SPPL3: variants seen among roughly 807,000 people sequenced by gnomAD.
The protein encoded by SPPL3 is signal peptide peptidase-like 3.
Under a neutral mutation model 42.4 loss-of-function variants are expected in SPPL3, and 5 were observed. The observed-to-expected ratio is 0.12, with a 90% confidence interval of 0.06 to 0.25. The LOEUF is 0.25. SPPL3 is among the 10% of genes least tolerant of loss of function. SPPL3 has a pLI of 1.00. For synonymous variants in SPPL3, 195 were observed against 181.8 expected (o/e 1.07, Z -0.58); for missense variants, 235 against 489.0 (o/e 0.48, Z 4.90).
Position 120,810,901 on chromosome 12 carries a change from G to A in SPPL3, c.24-15C>T. On this transcript the variant is annotated splice_polypyrimidine_tract_variant and intron_variant, in intron 1 of 10. Transcript: ENST00000353487. ...GGGAATAGGCCCTAGAGAAATAAGA[G>A]GAAAAAAATTTAAATCACATGCAGT... The A allele has an allele frequency of 6.2e-7, 1 of 1,603,028 alleles. No homozygotes were observed. The highest frequency in any genetic ancestry group is 8.5e-7 in the Non-Finnish European group (1 of 1,171,054).
chr12:120,833,519 T>C (rs1242608711), intron 1 of SPPL3, among the ~76,000 whole-genome samples: 1 of 151,356 alleles, frequency 6.6e-6, no homozygotes. Context: ...AATGAGAGGA[T>C]GGTAGTAGGT....
chr12:120,783,139 A>T (rs1269779376), intron 5 of SPPL3, among the ~76,000 whole-genome samples: 2 of 152,198 alleles, frequency 1.3e-5, no homozygotes, highest in African/African-American at 2.4e-5. Flanking sequence ...GAAGATTGTA[A>T]ATCTTTTGGT....
chr12:120,791,279 TCAAA>T lies in SPPL3; in HGVS notation c.190+186_190+189del, dbSNP rs530034538. On this transcript the variant is annotated intron_variant, in intron 3 of 10. Transcript: ENST00000353487. Reference sequence around the variant, plus strand: ...TCAAATTCAAATCTTTCTATAAGCATCAAACATTTTTATTAACGTTATTGAGGTA... The same window carrying T: ...TCAAATTCAAATCTTTCTATAAGCATCATTTTTATTAACGTTATTGAGGTA... 1.7e-3 allele frequency among the ~76,000 whole-genome samples: 261 copies of T among 152,344 alleles called. 2 individuals carry two copies. Among genetic ancestry groups the T allele is most frequent in the African/African-American group, 6.0e-3 (251 of 41,576 alleles).
chr12:120,903,784 C>A, intron 1 of SPPL3, 61 bp downstream of exon 1: 1 of 1,272,202 alleles, frequency 7.9e-7, no homozygotes, highest in South Asian at 1.5e-5. Flanking sequence ...CTCGGCGGGC[C>A]GCGCCGGCGC....
At chr12:120,877,937 G>A (rs574347001) in intron 1 of SPPL3, among the ~76,000 whole-genome samples, 3 of 151,848 alleles carry the variant, frequency 2.0e-5, no homozygotes, top group Non-Finnish European at 1.5e-5. Context: ...CAGGAGAATC[G>A]CTTGAATCTG....
chr12:120,779,820 C>CAA (rs1164272443), intron 6 of SPPL3, among the ~76,000 whole-genome samples: 2,555 of 42,794 alleles, frequency 0.06, 208 homozygotes, highest in East Asian at 0.19. Flanking sequence ...ACTAAAAATA[C>CAA]AAAAAAAAAA....
intron 1 of SPPL3, among the ~76,000 whole-genome samples, chr12:120,852,728 A>C (rs12827365): frequency 7.1e-5 from 3 of 41,998 alleles, no homozygotes; most frequent in African/African-American, 1.6e-4. Flanking sequence ...TTTTATATAT[A>C]ATATACATAT....
intron 1 of SPPL3, among the ~76,000 whole-genome samples, chr12:120,846,680 G>A (rs1485119810): frequency 6.6e-6 from 1 of 152,006 alleles, no homozygotes; most frequent in African/African-American, 2.4e-5. Context: ...GAATAACAAA[G>A]CTCTCAAGAA....
At chr12:120,802,415 GTATATA>G (rs1555248882) in intron 2 of SPPL3, among the ~76,000 whole-genome samples, 4 of 112,656 alleles carry the variant, frequency 3.6e-5, no homozygotes, top group Non-Finnish European at 5.0e-5. Context: ...GTGTGTGTGT[GTATATA>G]TATATATATA....
intron 1 of SPPL3, among the ~76,000 whole-genome samples, chr12:120,827,347 AATAATAAT>A (rs1318790949): frequency 0.015 from 1,489 of 97,068 alleles, 36 homozygotes; most frequent in African/African-American, 0.051. Flanking sequence ...TAATAATAAT[AATAATAAT>A]ATAATAATAT....
chr12:120,852,900 T>C lies in SPPL3; in HGVS notation c.24-42014A>G, dbSNP rs1171809988. On this transcript the variant is annotated intron_variant, in intron 1 of 10. Transcript: ENST00000353487. ...ATATCATATATATTTCATATATATA[T>C]ATATATTTTTTAAGATGGATTTTCA... is the stretch of plus-strand genomic sequence containing the variant. 2.0e-4 allele frequency among the ~76,000 whole-genome samples: 3 copies of C among 15,338 alleles called. 1 individual carries two copies. Among genetic ancestry groups the C allele is most frequent in the Non-Finnish European group, 1.0e-3 (3 of 2,892 alleles). 10.1% of individuals were successfully genotyped at this position (15,338 alleles called of 152,430 possible).
At chr12:120,768,860 C>T (rs1050817025) in intron 7 of SPPL3, 93 bp downstream of exon 7, 53 of 1,125,788 alleles carry the variant, frequency 4.7e-5, no homozygotes, top group South Asian at 3.6e-4. Flanking sequence ...TGGGCAAGCC[C>T]GACTTTGGAT....
chr12:120,809,071 C>T (rs969433727), intron 2 of SPPL3, among the ~76,000 whole-genome samples: 3 of 152,164 alleles, frequency 2.0e-5, no homozygotes, highest in Admixed American at 6.5e-5. Flanking sequence ...TTTGGCTGGG[C>T]GCAGTGGCTC....
intron 1 of SPPL3, among the ~76,000 whole-genome samples, chr12:120,878,704 G>C (rs1297849716): frequency 6.6e-6 from 1 of 152,122 alleles, no homozygotes; most frequent in Non-Finnish European, 1.5e-5. Context: ...AGTATTGCTG[G>C]TCAAAAATTA....
chr12:120,854,273 T>C (rs151174184), intron 1 of SPPL3, among the ~76,000 whole-genome samples: 2 of 152,310 alleles, frequency 1.3e-5, no homozygotes, highest in African/African-American at 4.8e-5. Flanking sequence ...TAAAAAATTC[T>C]CCACATTCAG....
At chr12:120,806,308 C>G (rs184079304) in intron 2 of SPPL3, among the ~76,000 whole-genome samples, 3 of 151,496 alleles carry the variant, frequency 2.0e-5, no homozygotes, top group East Asian at 3.9e-4. Flanking sequence ...AGGTGATCCT[C>G]CCACCTTAGC....
chr12:120,821,196 C>T (rs575363740), intron 1 of SPPL3, among the ~76,000 whole-genome samples: 6 of 152,082 alleles, frequency 3.9e-5, no homozygotes, highest in South Asian at 2.1e-4. Context: ...GATTTATTGC[C>T]GGGGGCGGGG....
rs1333191780 is a variant in SPPL3 at position 120,904,280 on chromosome 12, C to G, written c.-413G>C. The G allele has an allele frequency of 6.0e-6, 1 of 167,936 alleles. No individual in the cohort carries two copies. The highest frequency in any genetic ancestry group is 1.7e-4 in the South Asian group (1 of 5,814). The allele number at this position is 167,936 out of a possible 1,614,324, so 10.4% of individuals were successfully genotyped here. On this transcript the variant is annotated 5_prime_UTR_variant, in exon 1 of 11. Transcript: ENST00000353487. ...GGCGGCGGCGGCCGGGGGACATGGC[C>G]GGCGGGCGGAGGCGGCGGCGACTGA...
At chr12:120,895,527 T>A (rs1873774606) in intron 1 of SPPL3, among the ~76,000 whole-genome samples, 1 of 152,198 alleles carries the variant, frequency 6.6e-6, no homozygotes, top group Non-Finnish European at 1.5e-5. Context: ...ATTTGGAGAC[T>A]ATTATTTCTT....
Sources: gnomAD v4.1 joint callset for allele counts (sites outside exome capture counted in the v4.1 genomes callset) on GRCh38, gnomAD v4.1.1 for gene constraint, MANE v1.5 for transcripts, NCBI Gene and HGNC (gene_info 2026-07-23, HGNC 2026-07-21) for gene names.